Variants in PTPRQ observed in about 807,000 individuals in gnomAD.
PTPRQ encodes the protein phosphatidylinositol phosphatase PTPRQ.
PTPRQ carries 199 observed loss-of-function variants against 246.0 expected under a neutral mutation model. The ratio of observed to expected loss-of-function variants is 0.81; its 90% CI spans 0.72 to 0.91. The LOEUF (loss-of-function observed/expected upper bound fraction) is 0.91. PTPRQ is among the 40% of genes least tolerant of loss of function. The pLI, the probability that PTPRQ is intolerant of heterozygous loss-of-function variation, is 0.00. For missense variants in PTPRQ, 2,624 were observed against 2,528.4 expected (o/e 1.04, Z -0.81); for synonymous variants, 869 against 853.2 (o/e 1.02, Z -0.32).
chr12:80,660,011 A>G (rs914793740), intron 39 of PTPRQ, among the ~76,000 whole-genome samples: 4 of 152,014 alleles, frequency 2.6e-5, no homozygotes, highest in African/African-American at 9.7e-5. Flanking sequence ...TATTCCTACA[A>G]TCTTCACCTT....
chr12:80,615,748 T>G (rs192482573), intron 29 of PTPRQ, among the ~76,000 whole-genome samples: 14 of 150,986 alleles, frequency 9.3e-5, no homozygotes, highest in Non-Finnish European at 1.5e-4. Context: ...TGAATATGGA[T>G]TTACAGAAGG....
At chr12:80,542,000 A>G in intron 21 of PTPRQ, 89 bp from the exon 22 acceptor site, 3 of 1,486,484 alleles carry the variant, frequency 2.0e-6, no homozygotes, top group Non-Finnish European at 8.9e-7. Flanking sequence ...ATAATCTGCT[A>G]AGAAAATCAA....
chr12:80,473,041 A>ACACACACG (rs1233337331), intron 8 of PTPRQ, among the ~76,000 whole-genome samples: 1 of 64,750 alleles, frequency 1.5e-5, no homozygotes, highest in Non-Finnish European at 5.1e-5. Flanking sequence ...ACACACTCAC[A>ACACACACG]CACACGCACA....
At chr12:80,646,968 AC>A in intron 35 of PTPRQ, among the ~76,000 whole-genome samples, 1 of 152,294 alleles carries the variant, frequency 6.6e-6, no homozygotes, top group East Asian at 1.9e-4. Context: ...TTTCTTGCTC[AC>A]TTTTCTTTAA....
chr12:80,477,676 T>C (rs1388201636), intron 8 of PTPRQ, among the ~76,000 whole-genome samples: 1 of 152,082 alleles, frequency 6.6e-6, no homozygotes, highest in Non-Finnish European at 1.5e-5. Context: ...GTGCGCACCG[T>C]GTGCGAGCCG....
chr12:80,483,416 A>G (rs1290358319), intron 8 of PTPRQ, among the ~76,000 whole-genome samples: 1 of 144,546 alleles, frequency 6.9e-6, no homozygotes, highest in Non-Finnish European at 1.5e-5. Flanking sequence ...TGGGAGATAT[A>G]CCTAATGCTA....
At chr12:80,449,093 T>A (rs1054430696) in intron 3 of PTPRQ, among the ~76,000 whole-genome samples, 18 of 151,754 alleles carry the variant, frequency 1.2e-4, no homozygotes, top group Non-Finnish European at 2.2e-4. Flanking sequence ...GGTATCTCAT[T>A]GTGGTTTTGA....
intron 3 of PTPRQ, among the ~76,000 whole-genome samples, chr12:80,448,349 T>G (rs1892619397): frequency 1.3e-5 from 2 of 152,060 alleles, no homozygotes; most frequent in African/African-American, 4.8e-5. Flanking sequence ...AAAGATAGTA[T>G]GCTTCCTGTT....
intron 25 of PTPRQ, among the ~76,000 whole-genome samples, chr12:80,554,133 A>T (rs913266936): frequency 6.6e-6 from 1 of 152,184 alleles, no homozygotes; most frequent in African/African-American, 2.4e-5. Flanking sequence ...GGTAGAATGA[A>T]TAAGGTCTAG....
At chr12:80,563,897 A>C (rs1319663884) in intron 25 of PTPRQ, among the ~76,000 whole-genome samples, 1 of 151,988 alleles carries the variant, frequency 6.6e-6, no homozygotes, top group Non-Finnish European at 1.5e-5. Context: ...AGAGAGAAGA[A>C]GACTAGGCTC....
intron 25 of PTPRQ, among the ~76,000 whole-genome samples, chr12:80,556,301 T>C (rs1021159086): frequency 6.6e-6 from 1 of 152,210 alleles, no homozygotes; most frequent in East Asian, 1.9e-4. Flanking sequence ...AGTGCTGGGA[T>C]TACAGGCATG....
At chr12:80,581,590 G>A (rs1897437457) in intron 25 of PTPRQ, among the ~76,000 whole-genome samples, 1 of 152,026 alleles carries the variant, frequency 6.6e-6, no homozygotes, top group Non-Finnish European at 1.5e-5. Context: ...AGCCATGATT[G>A]TGCCACTGCA....
chr12:80,573,438 G>T (rs560129688), intron 25 of PTPRQ, among the ~76,000 whole-genome samples: 1 of 151,902 alleles, frequency 6.6e-6, no homozygotes, highest in Non-Finnish European at 1.5e-5. Context: ...GCAGTGAGCC[G>T]AGATCATGCC....
At chr12:80,661,597 C>T (rs1015833265) in intron 39 of PTPRQ, among the ~76,000 whole-genome samples, 2 of 151,396 alleles carry the variant, frequency 1.3e-5, no homozygotes, top group South Asian at 2.1e-4. Context: ...CCATCAATGC[C>T]CAACACATTT....
intron 26 of PTPRQ, among the ~76,000 whole-genome samples, chr12:80,601,430 C>G (rs951637013): frequency 1.3e-5 from 2 of 151,798 alleles, no homozygotes; most frequent in African/African-American, 4.8e-5. Flanking sequence ...CCTGTATGAG[C>G]TTTTTGTCCT....
chr12:80,566,951 A>AG (rs1896997485), intron 25 of PTPRQ, among the ~76,000 whole-genome samples: 1 of 152,218 alleles, frequency 6.6e-6, no homozygotes, highest in Non-Finnish European at 1.5e-5. Context: ...TTGGACTTGA[A>AG]ATTTAAAGCA....
At chr12:80,483,092 C>A (rs1262229587) in intron 8 of PTPRQ, among the ~76,000 whole-genome samples, 5 of 125,058 alleles carry the variant, frequency 4.0e-5, no homozygotes, top group Middle Eastern at 3.8e-3. Context: ...TTTATTGTGG[C>A]ACTATTCACA....
intron 25 of PTPRQ, among the ~76,000 whole-genome samples, chr12:80,580,709 G>A (rs1380548136): frequency 6.6e-6 from 1 of 152,156 alleles, no homozygotes; most frequent in Non-Finnish European, 1.5e-5. Flanking sequence ...ATACATTTGA[G>A]TGAAAATGTG....
At position 80,534,698 on chromosome 12, in the gene PTPRQ, A is replaced by C. The variant is rs536408775; in HGVS notation, c.2840-194A>C. Among the ~76,000 whole-genome samples the C allele has an allele frequency of 3.9e-5, 6 of 152,008 alleles. No homozygotes were observed. The South Asian group carries it at 1.2e-3, about 32-fold the overall frequency. Reference sequence around the variant, plus strand: ...AGAAATCTATCTGTCTTCAGCTTGAATATGCCTATAATAAAGTATTAGAGG... The same window carrying C: ...AGAAATCTATCTGTCTTCAGCTTGACTATGCCTATAATAAAGTATTAGAGG... On this transcript the variant is annotated intron_variant, in intron 18 of 44. Coordinates refer to ENST00000644991, the MANE Select transcript of PTPRQ (RefSeq NM_001145026.2).
Sources: gnomAD v4.1 joint callset for allele counts (sites outside exome capture counted in the v4.1 genomes callset) on GRCh38, gnomAD v4.1.1 for gene constraint, MANE v1.5 for transcripts, NCBI Gene and HGNC (gene_info 2026-07-23, HGNC 2026-07-21) for gene names.